The following DPY19L1 variants were observed in gnomAD, a reference collection of about 807,000 sequenced individuals.
DPY19L1 encodes the protein dpy-19 like C-mannosyltransferase 1.
DPY19L1 carries 35 observed loss-of-function variants against 96.9 expected under a neutral mutation model. The ratio of observed to expected loss-of-function variants is 0.36; its 90% CI spans 0.28 to 0.48. The LOEUF (loss-of-function observed/expected upper bound fraction) is 0.48. DPY19L1 is among the 20% of genes least tolerant of loss of function. The probability of loss-of-function intolerance (pLI) is 0.99; values close to 1 mark genes in which losing one functional copy is unlikely to be tolerated. For missense variants in DPY19L1, 521 were observed against 777.9 expected (o/e 0.67, Z 3.93); for synonymous variants, 205 against 252.6 (o/e 0.81, Z 1.79).
chr7:34,942,381 C>T (rs559363793), intron 17 of DPY19L1, among the ~76,000 whole-genome samples: 1 of 152,282 alleles, frequency 6.6e-6, no homozygotes, highest in East Asian at 1.9e-4. Context: ...CTCCAGAAAT[C>T]AACTGCCATT....
intron 1 of DPY19L1, among the ~76,000 whole-genome samples, chr7:35,033,508 A>G (rs1185738742): frequency 6.6e-6 from 1 of 152,180 alleles, no homozygotes; most frequent in Admixed American, 6.5e-5. Context: ...GTGCTATTTT[A>G]CATGTATTAT....
At chr7:34,992,792 T>C (rs1785201494) in intron 6 of DPY19L1, among the ~76,000 whole-genome samples, 1 of 151,868 alleles carries the variant, frequency 6.6e-6, no homozygotes, top group African/African-American at 2.4e-5. Flanking sequence ...ATCATTATTA[T>C]ACTCTCTGTA....
intron 8 of DPY19L1, among the ~76,000 whole-genome samples, chr7:34,972,931 G>A (rs928920099): frequency 1.3e-5 from 2 of 152,186 alleles, no homozygotes; most frequent in Admixed American, 6.5e-5. Context: ...TGCCCAAAGG[G>A]TTTGGCATAA....
chr7:34,981,550 G>A (rs1445304118), intron 7 of DPY19L1, among the ~76,000 whole-genome samples: 2 of 152,194 alleles, frequency 1.3e-5, no homozygotes, highest in African/African-American at 2.4e-5. Context: ...CCTTAACCAT[G>A]TGATTTAACT....
At chr7:34,933,368 G>A (rs960454157) in intron 21 of DPY19L1, among the ~76,000 whole-genome samples, 2 of 152,194 alleles carry the variant, frequency 1.3e-5, no homozygotes, top group African/African-American at 4.8e-5. Flanking sequence ...CCACTTATAA[G>A]TGAGAACATA....
intron 13 of DPY19L1, among the ~76,000 whole-genome samples, chr7:34,950,321 A>G (rs1022529352): frequency 1.3e-5 from 2 of 152,232 alleles, no homozygotes; most frequent in African/African-American, 4.8e-5. Context: ...AGGAGATTGA[A>G]AAGAGTACTT....
rs546375646 is a variant in DPY19L1, at chr7:35,022,659, GC to G, written c.299-4064del. Among the ~76,000 whole-genome samples, 290 of 152,312 alleles carry G rather than the reference GC, an allele frequency of 1.9e-3. 2 individuals carry two copies. Among genetic ancestry groups the G allele is most frequent in the African/African-American group, 6.5e-3 (270 of 41,570 alleles). ...ACAGTACTTATTAGCACAAAGCTGAGCACGCTCAAGTGTTTGCTGAATTAAT... is the reference window on the plus strand; with the variant it reads ...ACAGTACTTATTAGCACAAAGCTGAGACGCTCAAGTGTTTGCTGAATTAAT... On this transcript the variant is annotated intron_variant, in intron 1 of 21. Transcript: ENST00000638088.
intron 7 of DPY19L1, among the ~76,000 whole-genome samples, chr7:34,982,777 G>GAC (rs374131658): frequency 1.8e-3 from 279 of 152,234 alleles, no homozygotes; most frequent in African/African-American, 6.3e-3. Context: ...CCCAACCTGG[G>GAC]ACACACACAG....
chr7:34,995,191 C>A (rs1386662954), intron 6 of DPY19L1, among the ~76,000 whole-genome samples: 2 of 152,124 alleles, frequency 1.3e-5, no homozygotes, highest in Non-Finnish European at 2.9e-5. Context: ...CCTCTCGCCC[C>A]AATCCATAGA....
chr7:34,999,975 G>A (rs1785383387), intron 6 of DPY19L1, among the ~76,000 whole-genome samples: 3 of 152,288 alleles, frequency 2.0e-5, no homozygotes, highest in South Asian at 2.1e-4. Context: ...GATACACAGG[G>A]TGGGGAAGAC....
intron 6 of DPY19L1, among the ~76,000 whole-genome samples, chr7:34,997,633 A>AAAG (rs1785323218): frequency 6.8e-6 from 1 of 147,540 alleles, no homozygotes; most frequent in Middle Eastern, 3.3e-3. Flanking sequence ...AAAAAAAAAA[A>AAAG]GTAGCTGGAA....
intron 16 of DPY19L1, among the ~76,000 whole-genome samples, chr7:34,944,223 C>T (rs184766271): frequency 0.013 from 2,023 of 151,646 alleles, 18 homozygotes; most frequent in Middle Eastern, 0.031. Context: ...ATTAGCTGGG[C>T]GTGGTGGTGG....
At chr7:34,982,683 C>A (rs1323611292) in intron 7 of DPY19L1, among the ~76,000 whole-genome samples, 1 of 152,186 alleles carries the variant, frequency 6.6e-6, no homozygotes, top group Admixed American at 6.5e-5. Flanking sequence ...TTTGCTGGAA[C>A]CAAACAACTT....
chr7:34,982,549 A>C (rs7793001), intron 7 of DPY19L1, among the ~76,000 whole-genome samples: 29,843 of 152,184 alleles, frequency 0.2, 3,299 homozygotes, highest in Admixed American at 0.35. Flanking sequence ...CTGCCTTTTT[A>C]GTACAAGATT....
At chr7:35,008,648 A>G (rs1453419990) in intron 6 of DPY19L1, among the ~76,000 whole-genome samples, 1 of 152,210 alleles carries the variant, frequency 6.6e-6, no homozygotes, top group Non-Finnish European at 1.5e-5. Context: ...CTCTGTGACC[A>G]CATCTGTGAA....
chr7:34,941,618 C>T, intron 18 of DPY19L1, 147 bp downstream of exon 18: 4 of 629,876 alleles, frequency 6.4e-6, no homozygotes, highest in Non-Finnish European at 1.1e-5. Flanking sequence ...TCAGCTTTGG[C>T]CCTTACCCTT....
intron 14 of DPY19L1, among the ~76,000 whole-genome samples, chr7:34,949,331 G>A (rs1250203571): frequency 6.6e-6 from 1 of 152,116 alleles, no homozygotes; most frequent in Non-Finnish European, 1.5e-5. Context: ...AAAATTACAG[G>A]CTTCTGTCTC....
intron 4 of DPY19L1, among the ~76,000 whole-genome samples, chr7:35,012,314 A>C (rs1785731836): frequency 6.6e-6 from 1 of 151,928 alleles, no homozygotes; most frequent in Non-Finnish European, 1.5e-5. Flanking sequence ...TCTTCCTCCT[A>C]CCTCATTCTG....
At chr7:34,972,897 T>C (rs1262223340) in intron 8 of DPY19L1, among the ~76,000 whole-genome samples, 3 of 152,196 alleles carry the variant, frequency 2.0e-5, no homozygotes, top group African/African-American at 7.2e-5. Flanking sequence ...CTATACTTGC[T>C]GTAACAATCA....
Sources: allele counts gnomAD v4.1 joint callset (sites outside exome capture counted in the v4.1 genomes callset), GRCh38; gene constraint gnomAD v4.1.1; transcripts MANE v1.5; gene names NCBI Gene and HGNC (gene_info 2026-07-23, HGNC 2026-07-21).